Variants in RECK observed in about 807,000 individuals in gnomAD.
The protein encoded by RECK is reversion-inducing cysteine-rich protein with Kazal motifs.
In RECK, 69 loss-of-function variants were observed where a neutral mutation model predicts 115.1. That is an observed-to-expected ratio of 0.60 (90% CI 0.49 to 0.73). The LOEUF (loss-of-function observed/expected upper bound fraction) is 0.73, where lower values mean the gene tolerates loss of function less well. RECK is among the 30% of genes least tolerant of loss of function. RECK has a pLI of 0.00. For synonymous variants in RECK, 414 were observed against 419.7 expected (o/e 0.99, Z 0.17); for missense variants, 1,047 against 1,203.7 (o/e 0.87, Z 1.93).
intron 1 of RECK, among the ~76,000 whole-genome samples, chr9:36,048,159 A>ATATATATG (rs1554701543): frequency 1.5e-5 from 2 of 137,286 alleles, no homozygotes; most frequent in Non-Finnish European, 3.1e-5. Flanking sequence ...ATATATATAT[A>ATATATATG]TGTAAAAACA....
chr9:36,047,766 C>G (rs1588267237), intron 1 of RECK, among the ~76,000 whole-genome samples: 2 of 131,270 alleles, frequency 1.5e-5, no homozygotes, highest in Non-Finnish European at 3.2e-5. Flanking sequence ...TTTAGAACTT[C>G]AAGACATGTT....
intron 17 of RECK, among the ~76,000 whole-genome samples, chr9:36,118,535 G>T (rs972908010): frequency 1.3e-5 from 2 of 152,150 alleles, no homozygotes; most frequent in Non-Finnish European, 2.9e-5. Context: ...TCCCAGAGAG[G>T]CTGAGAAAAG....
Position 36,039,530 on chromosome 9 carries a change from G to A in RECK, c.100+2432G>A, listed in dbSNP as rs150267480. On this transcript the variant is annotated intron_variant, in intron 1 of 20. Coordinates refer to ENST00000377966, the MANE Select transcript of RECK (RefSeq NM_021111.3). ...ACCTTGATTATTCCTATTCCTGGGGGATGGAGGTGTGAAAGTGAAATGACT... is the reference window on the plus strand; with the variant it reads ...ACCTTGATTATTCCTATTCCTGGGGAATGGAGGTGTGAAAGTGAAATGACT... Among the ~76,000 whole-genome samples the A allele has an allele frequency of 5.5e-3, 838 of 152,270 alleles. 5 individuals carry two copies. The highest frequency in any genetic ancestry group is 7.3e-3 in the Non-Finnish European group (498 of 68,022).
At chr9:36,089,787 A>G (rs886114171) in intron 9 of RECK, among the ~76,000 whole-genome samples, 1 of 152,166 alleles carries the variant, frequency 6.6e-6, no homozygotes, top group Admixed American at 6.5e-5. Context: ...AATCCAAAAA[A>G]AATCCAAAAT....
At position 36,043,086 on chromosome 9, in the gene RECK, G is replaced by A. The variant is rs577236710; in HGVS notation, c.100+5988G>A. 5.7e-3 allele frequency among the ~76,000 whole-genome samples: 697 copies of A among 121,424 alleles called. 3 individuals are homozygous for A. Among genetic ancestry groups the A allele is most frequent in the Admixed American group, 0.011 (94 of 8,760 alleles). 79.7% of individuals were successfully genotyped at this position (121,424 alleles called of 152,430 possible). A position where few individuals can be genotyped will look rare whatever the true frequency, so the allele number is the denominator to read the frequency against. ...TGTTGCCTAGGCTGGAGTGCATCTC[G>A]TGATCTCGGCTCACTGCAAGCTCCG... On this transcript the variant is annotated intron_variant, in intron 1 of 20. Coordinates refer to ENST00000377966, the MANE Select transcript of RECK (RefSeq NM_021111.3).
chr9:36,104,227 A>G (rs1823671537), intron 12 of RECK, among the ~76,000 whole-genome samples: 1 of 130,628 alleles, frequency 7.7e-6, no homozygotes, highest in African/African-American at 2.9e-5. Context: ...ATTACTTACA[A>G]TTTTCTGACT....
intron 8 of RECK, 68 bp from the exon 9 acceptor site, chr9:36,087,626 A>C: frequency 1.3e-6 from 2 of 1,512,776 alleles, no homozygotes; most frequent in East Asian, 2.3e-5. Context: ...TGTATCCCAG[A>C]ACTTAAAGTA....
In RECK at chr9:36,062,064, A is replaced by C. The variant is rs149439024; in HGVS notation, c.272-1731A>C. Among the ~76,000 whole-genome samples, 762 of 152,292 alleles carry C rather than the reference A, an allele frequency of 5.0e-3. 8 individuals carry two copies. The Middle Eastern group carries it at 0.051, about 10-fold the overall frequency. On this transcript the variant is annotated intron_variant, in intron 4 of 20. Coordinates refer to ENST00000377966, the MANE Select transcript of RECK (RefSeq NM_021111.3). ...TCAAATTTATGTTTTACATAGAAGC[A>C]GCATAAGGCAATTTTAAAGGAGATA...
Position 36,045,834 on chromosome 9 carries a change from G to A in RECK, c.101-6431G>A, listed in dbSNP as rs76296657. ...CTTCCTGCTTACTTGCCTGTCTTTA[G>A]TATACACATGGCCAAAACCAGCAGC... is the stretch of plus-strand genomic sequence containing the variant. On this transcript the variant is annotated intron_variant, in intron 1 of 20. Coordinates refer to ENST00000377966, the MANE Select transcript of RECK (RefSeq NM_021111.3). Among the ~76,000 whole-genome samples, 26 of 152,118 alleles carry A rather than the reference G, an allele frequency of 1.7e-4. No individual in the cohort carries two copies. In the East Asian group the frequency reaches 5.0e-3, roughly 29 times the overall value.
intron 7 of RECK, among the ~76,000 whole-genome samples, chr9:36,082,768 G>C (rs1198047312): frequency 6.6e-6 from 1 of 152,164 alleles, no homozygotes; most frequent in African/African-American, 2.4e-5. Flanking sequence ...TGTTCAAACT[G>C]TACAGAACTT....
chr9:36,071,132 A>G (rs370691391), intron 6 of RECK, among the ~76,000 whole-genome samples: 56 of 152,228 alleles, frequency 3.7e-4, no homozygotes, highest in African/African-American at 1.3e-3. Context: ...GCTGATTAGA[A>G]CTAAAGGAAA....
chr9:36,117,283 C>A, intron 17 of RECK, 106 bp downstream of exon 17: 2 of 862,418 alleles, frequency 2.3e-6, no homozygotes, highest in Non-Finnish European at 3.5e-6. Context: ...TTCTGTGAAT[C>A]CTGTCAAATC....
At chr9:36,100,075 T>C (rs1823504196) in intron 10 of RECK, among the ~76,000 whole-genome samples, 1 of 152,210 alleles carries the variant, frequency 6.6e-6, no homozygotes, top group Non-Finnish European at 1.5e-5. Flanking sequence ...CTGGGGATAA[T>C]AGTCCTGTTT....
chr9:36,092,101 A>G (rs1031337569), intron 10 of RECK, among the ~76,000 whole-genome samples: 4 of 152,196 alleles, frequency 2.6e-5, no homozygotes, highest in African/African-American at 9.7e-5. Flanking sequence ...AAGTACTCAG[A>G]GTATTACTTA....
chr9:36,077,001 G>A (rs1455951367), intron 6 of RECK, among the ~76,000 whole-genome samples: 2 of 152,098 alleles, frequency 1.3e-5, no homozygotes, highest in Non-Finnish European at 2.9e-5. Flanking sequence ...ACTAGATAGT[G>A]ACAGCTTTTG....
intron 16 of RECK, among the ~76,000 whole-genome samples, chr9:36,114,863 AC>A (rs1459537180): frequency 6.6e-6 from 1 of 151,690 alleles, no homozygotes; most frequent in East Asian, 2.0e-4. Flanking sequence ...ACAAAACAAA[AC>A]AAAAAACACT....
intron 6 of RECK, among the ~76,000 whole-genome samples, chr9:36,069,493 A>G (rs1242680331): frequency 6.6e-6 from 1 of 151,718 alleles, no homozygotes; most frequent in Non-Finnish European, 1.5e-5. Flanking sequence ...AAAAAAAAAA[A>G]AAAAAAGAAG....
intron 14 of RECK, 32 bp from the exon 15 acceptor site, chr9:36,109,925 A>G (rs1823971134): frequency 6.3e-7 from 1 of 1,576,982 alleles, no homozygotes; most frequent in Non-Finnish European, 8.7e-7. Context: ...AATGCATGAT[A>G]TAGATCAACA....
chr9:36,091,392 T>A, intron 10 of RECK, 49 bp downstream of exon 10: 1 of 1,291,880 alleles, frequency 7.7e-7, no homozygotes, highest in Non-Finnish European at 1.0e-6. Flanking sequence ...TCATTAATTA[T>A]AAATAAGTGA....
Sources: gnomAD v4.1 joint callset for allele counts (sites outside exome capture counted in the v4.1 genomes callset) on GRCh38, gnomAD v4.1.1 for gene constraint, MANE v1.5 for transcripts, NCBI Gene and HGNC (gene_info 2026-07-23, HGNC 2026-07-21) for gene names.